TMEM108: variants seen among roughly 807,000 people sequenced by gnomAD.
TMEM108 encodes cancer/testis antigen 124.
In TMEM108, 12 loss-of-function variants were observed where a neutral mutation model predicts 35.1. The observed-to-expected ratio is 0.34, with a 90% CI of 0.22 to 0.55. The LOEUF (loss-of-function observed/expected upper bound fraction) is 0.55, where lower values mean the gene tolerates loss of function less well. TMEM108 is among the 20% of genes least tolerant of loss of function. The pLI is 0.89. For missense variants in TMEM108, 680 were observed against 753.3 expected (o/e 0.90, Z 1.14); for synonymous variants, 287 against 308.6 (o/e 0.93, Z 0.73).
rs555286198 is a variant in TMEM108, at chr3:133,367,826, CCTCTT to C, written c.41-11922_41-11918del. 3.9e-3 allele frequency among the ~76,000 whole-genome samples: 588 copies of C among 152,324 alleles called. 4 individuals are homozygous for C. The highest frequency in any genetic ancestry group is 0.013 in the African/African-American group (541 of 41,568). On this transcript the variant is annotated intron_variant, in intron 3 of 5. Transcript: ENST00000321871. ...TGTCTCTGCTAACCACTAGCCGCTG[CCTCTT>C]CTCCTTCCTCCTCAACAAGTTCTTT...
At chr3:133,318,870 A>G (rs1389294312) in intron 3 of TMEM108, among the ~76,000 whole-genome samples, 1 of 147,188 alleles carries the variant, frequency 6.8e-6, no homozygotes, top group Non-Finnish European at 1.5e-5. Flanking sequence ...CAGGAAAACC[A>G]AAATAATTTC....
At chr3:133,361,570 G>A (rs1230770337) in intron 3 of TMEM108, among the ~76,000 whole-genome samples, 3 of 152,102 alleles carry the variant, frequency 2.0e-5, no homozygotes, top group South Asian at 2.1e-4. Flanking sequence ...AGCTTGTCTC[G>A]GCTTCCGTTG....
rs1378338810 is a variant in TMEM108, at chr3:133,126,923, T to C, written c.-47+80903T>C. On this transcript the variant is annotated intron_variant, in intron 2 of 5. Transcript: ENST00000321871. ...TCTGTATTATTTTTTGTTGTATTTA[T>C]TTAAAAATATTTTTACTGGGCAGTT... 2.6e-5 allele frequency among the ~76,000 whole-genome samples: 4 copies of C among 152,214 alleles called. No homozygotes were observed. In the East Asian group the frequency reaches 7.7e-4, roughly 29 times the overall value.
chr3:133,235,638 A>G (rs189312760), intron 3 of TMEM108, among the ~76,000 whole-genome samples: 3 of 152,154 alleles, frequency 2.0e-5, no homozygotes, highest in Non-Finnish European at 4.4e-5. Context: ...TAGAAGTCCT[A>G]CATAAATGCC....
chr3:133,199,071 G>A (rs1384576008), intron 2 of TMEM108, among the ~76,000 whole-genome samples: 1 of 152,000 alleles, frequency 6.6e-6, no homozygotes, highest in Non-Finnish European at 1.5e-5. Flanking sequence ...TCTTCCACTT[G>A]ATTGAATCAG....
intron 3 of TMEM108, among the ~76,000 whole-genome samples, chr3:133,244,272 C>T (rs1946354164): frequency 6.6e-6 from 1 of 152,186 alleles, no homozygotes; most frequent in South Asian, 2.1e-4. Flanking sequence ...ATCATGTGCT[C>T]CCCTACTCCT....
At chr3:133,193,572 G>A (rs557673283) in intron 2 of TMEM108, among the ~76,000 whole-genome samples, 4 of 152,102 alleles carry the variant, frequency 2.6e-5, no homozygotes, top group South Asian at 2.1e-4. Context: ...TAAGATTGCC[G>A]ATACCTATTT....
chr3:133,067,420 C>T (rs1363248641), intron 2 of TMEM108, among the ~76,000 whole-genome samples: 4 of 152,182 alleles, frequency 2.6e-5, no homozygotes, highest in Admixed American at 2.0e-4. Flanking sequence ...CTCACCAGAC[C>T]TTCCTTCACA....
chr3:133,070,582 A>T (rs114618877), intron 2 of TMEM108, among the ~76,000 whole-genome samples: 1,995 of 152,294 alleles, frequency 0.013, 49 homozygotes, highest in African/African-American at 0.046. Flanking sequence ...GAGTGTATTA[A>T]GAAGAGAGCA....
chr3:133,111,970 T>C (rs1277356135), intron 2 of TMEM108, among the ~76,000 whole-genome samples: 2 of 152,204 alleles, frequency 1.3e-5, no homozygotes, highest in Admixed American at 6.6e-5. Context: ...CTTTCATCTG[T>C]TGGAAAACAA....
At chr3:133,171,113 C>G (rs147757004) in intron 2 of TMEM108, among the ~76,000 whole-genome samples, 1 of 152,284 alleles carries the variant, frequency 6.6e-6, no homozygotes, top group East Asian at 1.9e-4. Context: ...AGATAATTCA[C>G]CACCAGATAG....
At chr3:133,081,508 G>A (rs979445235) in intron 2 of TMEM108, among the ~76,000 whole-genome samples, 10 of 152,132 alleles carry the variant, frequency 6.6e-5, no homozygotes, top group Admixed American at 2.0e-4. Flanking sequence ...TGGGGGGAAC[G>A]CAATTCAGTT....
At chr3:133,160,443 G>A (rs770603932) in intron 2 of TMEM108, among the ~76,000 whole-genome samples, 1 of 152,174 alleles carries the variant, frequency 6.6e-6, no homozygotes, top group Non-Finnish European at 1.5e-5. Context: ...TAAGTTCCAC[G>A]CTGTGTTTTT....
chr3:133,288,805 T>G (rs972382018), intron 3 of TMEM108, among the ~76,000 whole-genome samples: 2 of 152,166 alleles, frequency 1.3e-5, no homozygotes, highest in Admixed American at 1.3e-4. Flanking sequence ...AGTGGTGCAA[T>G]CTCAGCTCTC....
chr3:133,124,484 G>A (rs945603015), intron 2 of TMEM108, among the ~76,000 whole-genome samples: 4 of 152,164 alleles, frequency 2.6e-5, no homozygotes, highest in Non-Finnish European at 5.9e-5. Context: ...ATTGCCTCAA[G>A]CCTGTGGACG....
intron 3 of TMEM108, among the ~76,000 whole-genome samples, chr3:133,358,388 T>A (rs543639148): frequency 2.2e-4 from 34 of 152,206 alleles, no homozygotes; most frequent in African/African-American, 7.7e-4. Flanking sequence ...GCCAGATTGG[T>A]CTCGAACTCC....
At position 133,233,749 on chromosome 3, in the gene TMEM108, G is replaced by T. The variant is rs1380531530; in HGVS notation, c.40+4398G>T. Among the ~76,000 whole-genome samples the T allele has an allele frequency of 6.6e-5, 10 of 150,718 alleles. No homozygotes were observed. The East Asian group carries it at 2.0e-3, about 29-fold the overall frequency. On this transcript the variant is annotated intron_variant, in intron 3 of 5. Coordinates refer to ENST00000321871, the MANE Select transcript of TMEM108 (RefSeq NM_023943.4). Reference sequence around the variant, plus strand: ...TCGCCATTCTACCTGGTGTGAGATGGTATCTCATTGTGGTTTTGATTTGCA... The same window carrying T: ...TCGCCATTCTACCTGGTGTGAGATGTTATCTCATTGTGGTTTTGATTTGCA...
chr3:133,136,000 C>A (rs1339501560), intron 2 of TMEM108, among the ~76,000 whole-genome samples: 4 of 152,062 alleles, frequency 2.6e-5, no homozygotes, highest in African/African-American at 7.2e-5. Flanking sequence ...GAGAACTCTG[C>A]GACATTTTCT....
chr3:133,185,522 C>A (rs971682910), intron 2 of TMEM108, among the ~76,000 whole-genome samples: 7 of 150,372 alleles, frequency 4.7e-5, no homozygotes, highest in African/African-American at 1.7e-4. Flanking sequence ...TCTCAACTCT[C>A]TATGGCCACC....
Sources: gnomAD v4.1 joint callset for allele counts (sites outside exome capture counted in the v4.1 genomes callset) on GRCh38, gnomAD v4.1.1 for gene constraint, MANE v1.5 for transcripts, NCBI Gene and HGNC (gene_info 2026-07-23, HGNC 2026-07-21) for gene names.